LRIG1: variants seen among roughly 807,000 people sequenced by gnomAD.
LRIG1 encodes leucine rich repeats and immunoglobulin like domains 1.
LRIG1 carries 48 observed loss-of-function variants against 99.2 expected under a neutral mutation model. The ratio of observed to expected loss-of-function variants is 0.48; its 90% confidence interval spans 0.38 to 0.62. LRIG1 has a LOEUF of 0.62. Among genes scored for constraint, LRIG1 ranks in the 20% least tolerant of loss-of-function variants. The pLI is 0.00. For missense variants in LRIG1, 1,646 were observed against 1,434.4 expected, an observed-to-expected ratio of 1.15 and a Z score of -2.38; for synonymous variants, 772 against 596.1, an observed-to-expected ratio of 1.29 and a Z score of -4.30.
intron 3 of LRIG1, among the ~76,000 whole-genome samples, chr3:66,450,536 C>G (rs1703871927): frequency 6.6e-6 from 1 of 152,156 alleles, no homozygotes; most frequent in South Asian, 2.1e-4. Context: ...GGGTTAAACC[C>G]AAGACCATGT....
chr3:66,396,929 C>T (rs1004730448), intron 11 of LRIG1, among the ~76,000 whole-genome samples: 17 of 152,138 alleles, frequency 1.1e-4, no homozygotes, highest in African/African-American at 4.1e-4. Context: ...TCATCTCCTC[C>T]CCTGCTCTGG....
chr3:66,449,467 A>G (rs940038), intron 3 of LRIG1, among the ~76,000 whole-genome samples: 143,485 of 152,306 alleles, frequency 0.94, 67,930 homozygotes, highest in Non-Finnish European at 1. Context: ...TACATACTTC[A>G]ATGCTGTCTA....
intron 12 of LRIG1, among the ~76,000 whole-genome samples, chr3:66,389,293 T>C (rs1052241347): frequency 2.0e-5 from 3 of 152,088 alleles, no homozygotes; most frequent in African/African-American, 7.2e-5. Flanking sequence ...ATAAAAAAAC[T>C]AGTCAGTATT....
chr3:66,400,062 G>A (rs567699824), intron 9 of LRIG1, among the ~76,000 whole-genome samples: 2 of 152,282 alleles, frequency 1.3e-5, no homozygotes, highest in South Asian at 4.2e-4. Context: ...CAACGTTATC[G>A]CTAGTGCCTG....
chr3:66,437,318 G>A (rs1703393951), intron 3 of LRIG1, among the ~76,000 whole-genome samples: 1 of 152,232 alleles, frequency 6.6e-6, no homozygotes, highest in Non-Finnish European at 1.5e-5. Flanking sequence ...ACAGAGGCTT[G>A]AAAAGCTGCT....
rs1700880706 is a variant in LRIG1 at position 66,379,187 on chromosome 3, C to T, written c.*1076G>A. ...TCATAAGATGGTTAGCTACCAGTCT[C>T]AAAAGTGCAAATTATACCCAGAACC... On this transcript the variant is annotated 3_prime_UTR_variant, in exon 19 of 19. Coordinates refer to ENST00000273261, the MANE Select transcript of LRIG1 (RefSeq NM_015541.3). The T allele has an allele frequency of 6.6e-6, 1 of 152,630 alleles. No individual in the cohort carries two copies. The highest frequency in any genetic ancestry group is 2.4e-5 in the African/African-American group (1 of 41,444). 9.5% of individuals were successfully genotyped at this position (152,630 alleles called of 1,614,324 possible). A position where few individuals can be genotyped will look rare whatever the true frequency, so the allele number is the denominator to read the frequency against.
At chr3:66,499,457 G>A (rs1701303722) in intron 1 of LRIG1, among the ~76,000 whole-genome samples, 1 of 152,162 alleles carries the variant, frequency 6.6e-6, no homozygotes, top group African/African-American at 2.4e-5. Flanking sequence ...TGGGGCCCCA[G>A]GGAACACACA....
At chr3:66,499,504 C>T (rs1359734415) in intron 1 of LRIG1, among the ~76,000 whole-genome samples, 3 of 152,172 alleles carry the variant, frequency 2.0e-5, no homozygotes, top group East Asian at 1.9e-4. Context: ...AAATGCCAAA[C>T]AGGCGTAAAA....
chr3:66,462,424 AG>A lies in LRIG1; in HGVS notation c.290+13del. On this transcript the variant is annotated intron_variant, in intron 2 of 18. Coordinates refer to ENST00000273261, the MANE Select transcript of LRIG1 (RefSeq NM_015541.3). ...CCATCCTTCCATCCACCAGAGGTTT[AG>A]GGGGAGACTCACACTTCCTGTAGGT... 6.2e-7 allele frequency: 1 copy of A among 1,602,218 alleles called. No homozygotes were observed. Among genetic ancestry groups the A allele is most frequent in the Non-Finnish European group, 8.5e-7 (1 of 1,170,490 alleles).
chr3:66,405,748 C>T (rs1475250217), intron 8 of LRIG1: 2 of 1,145,538 alleles, frequency 1.7e-6, no homozygotes, highest in East Asian at 6.8e-5. Context: ...TGGGCGCCTC[C>T]GTACCAGCCA....
At chr3:66,404,262 C>T (rs551635702) in intron 9 of LRIG1, 12 of 1,289,354 alleles carry the variant, frequency 9.3e-6, no homozygotes, top group Admixed American at 2.3e-5. Context: ...CATCGAGCTC[C>T]ACTAGGGCTT....
At chr3:66,433,265 T>C (rs981273799) in intron 3 of LRIG1, among the ~76,000 whole-genome samples, 4 of 152,202 alleles carry the variant, frequency 2.6e-5, no homozygotes, top group Admixed American at 6.5e-5. Context: ...GATGCAAGCA[T>C]AGGTATCCTC....
chr3:66,442,045 T>C (rs1486571740), intron 3 of LRIG1, among the ~76,000 whole-genome samples: 1 of 152,144 alleles, frequency 6.6e-6, no homozygotes, highest in East Asian at 1.9e-4. Flanking sequence ...TATTTTTTCT[T>C]CTCAAAAGGC....
intron 1 of LRIG1, among the ~76,000 whole-genome samples, chr3:66,484,266 A>C (rs1229057841): frequency 6.6e-6 from 1 of 152,174 alleles, no homozygotes; most frequent in African/African-American, 2.4e-5. Flanking sequence ...GAATGCCACT[A>C]TCTCTATCTA....
chr3:66,418,756 G>A (rs1702703068), intron 3 of LRIG1, among the ~76,000 whole-genome samples: 1 of 152,144 alleles, frequency 6.6e-6, no homozygotes, highest in Non-Finnish European at 1.5e-5. Flanking sequence ...AGTTCCAACA[G>A]GCATAAACAA....
intron 3 of LRIG1, among the ~76,000 whole-genome samples, chr3:66,428,718 T>A (rs1703061107): frequency 6.6e-6 from 1 of 152,230 alleles, no homozygotes; most frequent in African/African-American, 2.4e-5. Context: ...TTTACATCCA[T>A]CTTCTTAAAA....
intron 1 of LRIG1, among the ~76,000 whole-genome samples, chr3:66,491,410 A>C (rs545871591): frequency 1.3e-5 from 2 of 152,230 alleles, no homozygotes; most frequent in African/African-American, 4.8e-5. Flanking sequence ...GTTAATCAGA[A>C]TTGCACATTC....
chr3:66,408,913 A>AGTGTGT (rs55651719), intron 7 of LRIG1, among the ~76,000 whole-genome samples: 1,402 of 34,862 alleles, frequency 0.04, 93 homozygotes, highest in Non-Finnish European at 0.046. Context: ...ACTCCAAGTC[A>AGTGTGT]GTGTGTGTGT....
chr3:66,384,121 G>A lies in LRIG1; in HGVS notation c.1941C>T (p.Arg647=), dbSNP rs550022347. Residue 647 remains arginine, a synonymous_variant, in exon 14 of 19, where the codon CGC becomes CGT. Transcript: ENST00000273261. ...GTDFPAARER[R]MHVMPDDDVF... ...CGTCGTCATCCGGCATGACATGCAT[G>A]CGTCGCTCACGGGCAGCGGGGAAAT... is the stretch of plus-strand genomic sequence containing the variant. 1.9e-6 allele frequency: 3 copies of A among 1,614,090 alleles called. No individual in the cohort carries two copies.
Sources: allele counts gnomAD v4.1 joint callset (sites outside exome capture counted in the v4.1 genomes callset), GRCh38; gene constraint gnomAD v4.1.1; transcripts MANE v1.5; gene names NCBI Gene and HGNC (gene_info 2026-07-23, HGNC 2026-07-21).